LAPTM4B: variants seen among roughly 807,000 people sequenced by gnomAD.
LAPTM4B encodes lysosomal-associated transmembrane protein 4B.
Under a neutral mutation model 28.5 loss-of-function variants are expected in LAPTM4B, and 26 were observed. The observed-to-expected ratio is 0.91, with a 90% CI of 0.67 to 1.27. The LOEUF is 1.27. Ranked by LOEUF, LAPTM4B falls within the 50% of genes most tolerant of loss-of-function variation. The pLI, the probability that LAPTM4B is intolerant of heterozygous loss-of-function variation, is 0.00. For synonymous variants in LAPTM4B, 109 were observed against 106.4 expected (o/e 1.02, Z -0.15); for missense variants, 288 against 285.8 (o/e 1.01, Z -0.06).
intron 6 of LAPTM4B, among the ~76,000 whole-genome samples, chr8:97,835,600 T>C (rs368268857): frequency 2.6e-4 from 39 of 152,350 alleles, no homozygotes; most frequent in South Asian, 2.3e-3. Context: ...TAGTGGTCAT[T>C]GGGGCAGTAT....
intron 6 of LAPTM4B, among the ~76,000 whole-genome samples, chr8:97,834,514 A>C (rs995130392): frequency 6.6e-6 from 1 of 151,792 alleles, no homozygotes; most frequent in Non-Finnish European, 1.5e-5. Flanking sequence ...AGTCTCTTCA[A>C]GTTGGTTTCT....
At chr8:97,776,879 A>T (rs1024491240) in intron 1 of LAPTM4B, among the ~76,000 whole-genome samples, 3 of 151,768 alleles carry the variant, frequency 2.0e-5, no homozygotes, top group Admixed American at 2.0e-4. Flanking sequence ...GGAACTTTTG[A>T]AGTCTTTTTT....
At chr8:97,790,449 C>G (rs914872024) in intron 1 of LAPTM4B, among the ~76,000 whole-genome samples, 3 of 150,748 alleles carry the variant, frequency 2.0e-5, no homozygotes, top group Non-Finnish European at 4.4e-5. Flanking sequence ...GTAGCTGGGA[C>G]TAAAGGCACA....
intron 1 of LAPTM4B, among the ~76,000 whole-genome samples, chr8:97,778,011 A>C (rs893382801): frequency 6.6e-6 from 1 of 152,228 alleles, no homozygotes; most frequent in Non-Finnish European, 1.5e-5. Context: ...GATAAATCCT[A>C]CTTGAGCCCT....
Position 97,802,818 on chromosome 8 carries a change from T to C in LAPTM4B, c.100-2535T>C, listed in dbSNP as rs183295088. 3.7e-4 allele frequency among the ~76,000 whole-genome samples: 56 copies of C among 152,334 alleles called. No homozygotes were observed. The East Asian group carries it at 8.5e-3, about 23-fold the overall frequency. Reference sequence around the variant, plus strand: ...TTTAAATTAGTTATATGTATATGTATACTCTGGGAAGTGGCTCTTCTCATT... The same window carrying C: ...TTTAAATTAGTTATATGTATATGTACACTCTGGGAAGTGGCTCTTCTCATT... On this transcript the variant is annotated intron_variant, in intron 1 of 6. Transcript: ENST00000521545.
chr8:97,835,004 A>G (rs1055258813), intron 6 of LAPTM4B, among the ~76,000 whole-genome samples: 2 of 152,234 alleles, frequency 1.3e-5, no homozygotes, highest in Non-Finnish European at 2.9e-5. Flanking sequence ...AACCAAAGTT[A>G]CTGAAGCCTC....
intron 6 of LAPTM4B, among the ~76,000 whole-genome samples, chr8:97,849,454 GT>G (rs1342112114): frequency 2.0e-5 from 3 of 152,228 alleles, no homozygotes; most frequent in Non-Finnish European, 4.4e-5. Flanking sequence ...TCAGGCATGT[GT>G]TCTGTACTGA....
chr8:97,804,432 G>A (rs1278728086), intron 1 of LAPTM4B, among the ~76,000 whole-genome samples: 3 of 152,172 alleles, frequency 2.0e-5, no homozygotes, highest in Non-Finnish European at 4.4e-5. Flanking sequence ...TATATGGACA[G>A]GAGACTTGTA....
intron 1 of LAPTM4B, among the ~76,000 whole-genome samples, chr8:97,791,841 G>T (rs1003912209): frequency 6.6e-6 from 1 of 152,164 alleles, no homozygotes. Context: ...GTAGAATGGT[G>T]TAGTAATGAT....
intron 1 of LAPTM4B, 140 bp downstream of exon 1, chr8:97,776,248 C>T: frequency 1.8e-6 from 2 of 1,086,674 alleles, no homozygotes; most frequent in Non-Finnish European, 2.4e-6. Context: ...CTCCGGGTGC[C>T]GCGTCCGCAC....
At chr8:97,782,088 C>A (rs374518112) in intron 1 of LAPTM4B, among the ~76,000 whole-genome samples, 2 of 151,050 alleles carry the variant, frequency 1.3e-5, no homozygotes. Flanking sequence ...TCAAGCAATT[C>A]TCCTGCCTCA....
At chr8:97,798,752 A>G (rs1226063212) in intron 1 of LAPTM4B, among the ~76,000 whole-genome samples, 1 of 152,104 alleles carries the variant, frequency 6.6e-6, no homozygotes, top group Non-Finnish European at 1.5e-5. Flanking sequence ...GCAGAAAGGC[A>G]TGTAAGTATC....
chr8:97,801,843 C>CA lies in LAPTM4B; in HGVS notation c.100-3492dup, dbSNP rs34138394. Among the ~76,000 whole-genome samples, 422 of 131,352 alleles carry CA rather than the reference C, an allele frequency of 3.2e-3. 10 individuals carry two copies. The highest frequency in any genetic ancestry group is 4.2e-3 in the Middle Eastern group (1 of 240). 86.2% of individuals were successfully genotyped at this position (131,352 alleles called of 152,430 possible). A position where few individuals can be genotyped will look rare whatever the true frequency, so the allele number is the denominator to read the frequency against. On this transcript the variant is annotated intron_variant, in intron 1 of 6. Coordinates refer to ENST00000521545, the MANE Select transcript of LAPTM4B (RefSeq NM_018407.6). ...TGGGCGACAGTGCGAAACTCCATCT[C>CA]AAAAAAAAAAAAAAAAAAGTATAGA...
At chr8:97,817,772 T>G (rs2129796163) in intron 4 of LAPTM4B, among the ~76,000 whole-genome samples, 1 of 148,824 alleles carries the variant, frequency 6.7e-6, no homozygotes, top group African/African-American at 2.5e-5. Context: ...TTTTTTTTAG[T>G]AGAGGTGGGG....
At chr8:97,849,380 G>A (rs959984493) in intron 6 of LAPTM4B, among the ~76,000 whole-genome samples, 11 of 152,132 alleles carry the variant, frequency 7.2e-5, no homozygotes, top group African/African-American at 2.2e-4. Context: ...TGAGTTCCCT[G>A]GACACCTAGG....
intron 1 of LAPTM4B, among the ~76,000 whole-genome samples, chr8:97,800,648 C>T (rs537437053): frequency 2.0e-5 from 3 of 151,884 alleles, no homozygotes; most frequent in East Asian, 3.9e-4. Flanking sequence ...AGGCATGCAC[C>T]ACCATGCCCG....
At chr8:97,835,511 C>T (rs1204621041) in intron 6 of LAPTM4B, among the ~76,000 whole-genome samples, 1 of 152,160 alleles carries the variant, frequency 6.6e-6, no homozygotes. Flanking sequence ...AGAGTCATCC[C>T]GCCCCCAGCA....
intron 1 of LAPTM4B, among the ~76,000 whole-genome samples, chr8:97,802,416 T>A (rs1216790670): frequency 6.6e-6 from 1 of 152,168 alleles, no homozygotes; most frequent in East Asian, 1.9e-4. Context: ...TAAATTGTCA[T>A]GGCGCTGGTG....
intron 1 of LAPTM4B, among the ~76,000 whole-genome samples, chr8:97,798,027 A>AGCTGAATT (rs33990769): frequency 0.47 from 70,835 of 151,768 alleles, 16,931 homozygotes; most frequent in African/African-American, 0.56. Context: ...ATTAGAGCAT[A>AGCTGAATT]AGTGTGTCCC....
Sources: allele counts gnomAD v4.1 joint callset (sites outside exome capture counted in the v4.1 genomes callset), GRCh38; gene constraint gnomAD v4.1.1; transcripts MANE v1.5; gene names NCBI Gene and HGNC (gene_info 2026-07-23, HGNC 2026-07-21).